Variants in CCDC136 observed in about 807,000 individuals in gnomAD.
CCDC136 encodes the protein coiled-coil domain containing 136.
In CCDC136, 100 loss-of-function variants were observed where a neutral mutation model predicts 141.2. The observed-to-expected ratio is 0.71, with a 90% CI of 0.60 to 0.84. The LOEUF (loss-of-function observed/expected upper bound fraction) is 0.84, where lower values mean the gene tolerates loss of function less well. Ranked by LOEUF, CCDC136 falls within the 40% of genes least tolerant of loss-of-function variation. CCDC136 has a pLI of 0.00. For synonymous variants in CCDC136, 474 were observed against 531.9 expected (o/e 0.89, Z 1.50); for missense variants, 1,206 against 1,379.4 (o/e 0.87, Z 1.99).
chr7:128,808,694 G>T, intron 10 of CCDC136: 1 of 985,436 alleles, frequency 1.0e-6, no homozygotes, highest in Non-Finnish European at 1.2e-6. Context: ...CACCTCAGCA[G>T]TCTCTTTGCC....
intron 10 of CCDC136, chr7:128,808,861 G>A (rs1001466184): frequency 2.2e-5 from 22 of 985,300 alleles, no homozygotes; most frequent in East Asian, 1.1e-4. Flanking sequence ...TTCTCTAGCC[G>A]TAAAACAGCA....
chr7:128,808,952 C>T lies in CCDC136; in HGVS notation c.1606-498C>T, dbSNP rs1453616839. 17 of 984,994 alleles carry T rather than the reference C, an allele frequency of 1.7e-5. No individual in the cohort carries two copies. In the East Asian group the frequency reaches 4.5e-4, roughly 26 times the overall value. The allele number at this position is 984,994 out of a possible 1,614,324, so 61.0% of individuals were successfully genotyped here. The stretch of plus-strand genomic sequence containing the variant: ...CTTCTCAACCCAAATTTACCAATAG[C>T]GCATACTTTCTAAAGATTTAAAGAG... On this transcript the variant is annotated intron_variant, in intron 10 of 17. Transcript: ENST00000297788.
At chr7:128,795,923 A>T (rs1287115988) in intron 3 of CCDC136, among the ~76,000 whole-genome samples, 1 of 152,220 alleles carries the variant, frequency 6.6e-6, no homozygotes, top group Non-Finnish European at 1.5e-5. Flanking sequence ...GATGGCAATA[A>T]ATGCTATGAA....
At chr7:128,818,599 T>A (rs1192535270) in intron 17 of CCDC136, among the ~76,000 whole-genome samples, 1 of 152,236 alleles carries the variant, frequency 6.6e-6, no homozygotes, top group Non-Finnish European at 1.5e-5. Flanking sequence ...CTTCCCCAGC[T>A]AGGTTTTCTG....
At chr7:128,810,493 C>A in intron 12 of CCDC136, 127 bp downstream of exon 12, 1 of 662,132 alleles carries the variant, frequency 1.5e-6, no homozygotes, top group Non-Finnish European at 2.6e-6. Flanking sequence ...AGGCAAAAGC[C>A]CTGCCTTTCA....
chr7:128,791,658 C>G, upstream of CCDC136: 1 of 721,070 alleles, frequency 1.4e-6, no homozygotes, highest in African/African-American at 1.8e-5. This position sits in a 1 kb window ranked among gnomAD's most constrained non-coding sequence, Gnocchi z 7.1. Flanking sequence ...TCCCCTTTCT[C>G]CGCCCAAAGT....
chr7:128,821,796 C>G lies in CCDC136; in HGVS notation c.*6-3C>G. The G allele has an allele frequency of 2.3e-6, 3 of 1,290,486 alleles. No homozygotes were observed. The highest frequency in any genetic ancestry group is 3.0e-6 in the Non-Finnish European group (3 of 989,028). 79.9% of individuals were successfully genotyped at this position (1,290,486 alleles called of 1,614,324 possible). On this transcript the variant is annotated splice_polypyrimidine_tract_variant and splice_region_variant and intron_variant, in intron 17 of 17. Transcript: ENST00000297788. This position sits in a 1 kb window ranked among gnomAD's most constrained non-coding sequence, Gnocchi z 5.1. ...ACTCACAGTTTCTCTTTGGTCCCCA[C>G]AGAACATGTTTGGGTTGTGGAAGCC...
At chr7:128,804,061 C>T (rs907095588) in intron 4 of CCDC136, among the ~76,000 whole-genome samples, 2 of 152,134 alleles carry the variant, frequency 1.3e-5, no homozygotes, top group Non-Finnish European at 2.9e-5. Flanking sequence ...AGTGATCTGC[C>T]CACCTCGGCC....
chr7:128,814,270 G>A (rs917753237), intron 14 of CCDC136, among the ~76,000 whole-genome samples: 1 of 151,968 alleles, frequency 6.6e-6, no homozygotes, highest in Non-Finnish European at 1.5e-5. Flanking sequence ...ATTTTTAGTA[G>A]ACATGGGGTT....
At chr7:128,818,896 C>T (rs1286247852) in intron 17 of CCDC136, among the ~76,000 whole-genome samples, 1 of 152,206 alleles carries the variant, frequency 6.6e-6, no homozygotes, top group African/African-American at 2.4e-5. Context: ...TTCTCACATT[C>T]CTGTGAACGG....
intron 12 of CCDC136, 68 bp downstream of exon 12, chr7:128,810,434 C>T (rs938418506): frequency 1.3e-5 from 15 of 1,165,266 alleles, no homozygotes; most frequent in Middle Eastern, 1.9e-4. Context: ...GAGTGGGCAC[C>T]GCCGAAGGGT....
rs1804741184 is a variant in CCDC136, at chr7:128,805,808, G to T, written c.996G>T (p.Gln332His). Residue 332 changes from glutamine to histidine, a missense_variant, in exon 7 of 18, where the codon CAG becomes CAT. Physicochemically the swap from Gln to His is conservative, Grantham distance 24. Transcript: ENST00000297788. The surrounding 1 kb of genome is among the most constrained non-coding windows in gnomAD (Gnocchi z 4.6). ...CELEELQHHR[Q>H]VSEEEQRRLQ... ...TGGAAGAGCTACAGCATCATCGCCA[G>T]GTCAGTGAGGAGGAGCAGAGGCGGC... 6.2e-7 allele frequency: 1 copy of T among 1,613,624 alleles called. No individual in the cohort carries two copies. Among genetic ancestry groups the T allele is most frequent in the Non-Finnish European group, 8.5e-7 (1 of 1,179,796 alleles).
chr7:128,796,943 GTT>G (rs973670859), intron 3 of CCDC136, among the ~76,000 whole-genome samples: 1 of 150,618 alleles, frequency 6.6e-6, no homozygotes, highest in Non-Finnish European at 1.5e-5. Flanking sequence ...GGGTTTCACC[GTT>G]TTAGCCGGGA....
intron 10 of CCDC136, 99 bp from the exon 11 acceptor site, chr7:128,809,351 G>A (rs2307037): frequency 0.13 from 104,732 of 798,852 alleles, 7,567 homozygotes; most frequent in East Asian, 0.23. Context: ...ACAGGGAGAG[G>A]ATCACAAGAG....
At chr7:128,793,129 G>T (rs1048818434) in intron 1 of CCDC136, among the ~76,000 whole-genome samples, 8 of 152,246 alleles carry the variant, frequency 5.3e-5, no homozygotes, top group African/African-American at 1.9e-4. Context: ...ATTAGATAAA[G>T]TAAGACCAGA....
chr7:128,806,329 A>C lies in CCDC136; in HGVS notation c.1182A>C (p.Gln394His). The change falls in exon 8 of 18, where the codon CAA becomes CAC. Residue 394 changes from glutamine to histidine, a missense_variant. Physicochemically the swap from Gln to His is conservative, Grantham distance 24. Coordinates refer to ENST00000297788, the MANE Select transcript of CCDC136 (RefSeq NM_022742.5). ...ACGAGCTCTTGAAGATGCAGCTGCA[A>C]CTTCAGACTGAGCTCCGGCAGCTCA... ...EQNELLKMQLQLQTELRQLKV... is the reference protein window; with the variant it reads ...EQNELLKMQLHLQTELRQLKV... 4 of 1,599,532 alleles carry C rather than the reference A, an allele frequency of 2.5e-6. No homozygotes were observed. Among genetic ancestry groups the C allele is most frequent in the Non-Finnish European group, 3.4e-6 (4 of 1,172,870 alleles).
At chr7:128,818,502 G>T (rs1189359770) in intron 17 of CCDC136, among the ~76,000 whole-genome samples, 1 of 152,116 alleles carries the variant, frequency 6.6e-6, no homozygotes, top group Non-Finnish European at 1.5e-5. Context: ...TGGACTTCCA[G>T]TCTCCGGAAA....
rs1807376623 is a variant in CCDC136, at chr7:128,821,073, T to A, written c.*6-726T>A. ...TGTATTTTCTTGTCTAAGATTTTCA[T>A]ATTACCTAATGGATGCTTTTTGGAT... On this transcript the variant is annotated intron_variant, in intron 17 of 17. Coordinates refer to ENST00000297788, the MANE Select transcript of CCDC136 (RefSeq NM_022742.5). This position sits in a 1 kb window ranked among gnomAD's most constrained non-coding sequence, Gnocchi z 5.1. Among the ~76,000 whole-genome samples the A allele has an allele frequency of 6.6e-6, 1 of 152,256 alleles. No homozygotes were observed. Among genetic ancestry groups the A allele is most frequent in the Admixed American group, 6.5e-5 (1 of 15,292 alleles).
At chr7:128,812,644 A>T in intron 13 of CCDC136, 64 bp from the exon 14 acceptor site, 2 of 1,293,268 alleles carry the variant, frequency 1.5e-6, no homozygotes, top group Non-Finnish European at 2.2e-6. Context: ...GGAAGGGCCC[A>T]GCAGAGTAGG....
Sources: gnomAD v4.1 joint callset for allele counts (sites outside exome capture counted in the v4.1 genomes callset) on GRCh38, gnomAD v4.1.1 for gene constraint, Gnocchi (gnomAD v3.1) non-coding constraint, MANE v1.5 for transcripts, NCBI Gene and HGNC (gene_info 2026-07-23, HGNC 2026-07-21) for gene names.